The following KCNIP4 variants were observed in gnomAD, a reference collection of about 807,000 sequenced individuals.
The protein encoded by KCNIP4 is potassium voltage-gated channel interacting protein 4.
A neutral mutation model predicts 34.0 loss-of-function variants in KCNIP4; 12 were observed. That is an observed-to-expected ratio of 0.35 (90% CI 0.23 to 0.57). KCNIP4 has a LOEUF of 0.57. Ranked by LOEUF, KCNIP4 falls within the 20% of genes least tolerant of loss-of-function variation. The pLI is 0.83. For missense variants in KCNIP4, 238 were observed against 311.7 expected (o/e 0.76, Z 1.78); for synonymous variants, 124 against 102.2 (o/e 1.21, Z -1.29).
At chr4:21,778,396 A>G (rs5011098) in intron 1 of KCNIP4, among the ~76,000 whole-genome samples, 96,287 of 149,954 alleles carry the variant, frequency 0.64, 31,948 homozygotes, top group Non-Finnish European at 0.73. Flanking sequence ...CACCACACTG[A>G]GCAATGAAAA....
intron 1 of KCNIP4, among the ~76,000 whole-genome samples, chr4:21,370,882 C>CGTGT (rs112128246): frequency 0.042 from 1,626 of 38,730 alleles, 134 homozygotes; most frequent in East Asian, 0.075. Context: ...CACACACACA[C>CGTGT]GTGTGTGTGT....
intron 1 of KCNIP4, among the ~76,000 whole-genome samples, chr4:21,563,734 CTG>C (rs1190823812): frequency 6.6e-6 from 1 of 151,980 alleles, no homozygotes; most frequent in Admixed American, 6.6e-5. Context: ...ATAATTTTGA[CTG>C]AGAGAGAGGA....
intron 1 of KCNIP4, among the ~76,000 whole-genome samples, chr4:21,110,687 T>G (rs73802490): frequency 0.017 from 2,525 of 152,286 alleles, 82 homozygotes; most frequent in African/African-American, 0.057. Flanking sequence ...GTGAGGGTCT[T>G]TGAGAGGCAA....
At chr4:21,922,261 TTTCC>T (rs780440256) in intron 1 of KCNIP4, among the ~76,000 whole-genome samples, 204 of 152,278 alleles carry the variant, frequency 1.3e-3, no homozygotes, top group Non-Finnish European at 2.3e-3. Context: ...ATGATGCTGC[TTTCC>T]TTCCTTCCTT....
At chr4:20,765,400 T>C (rs2149370144) in intron 3 of KCNIP4, among the ~76,000 whole-genome samples, 1 of 152,328 alleles carries the variant, frequency 6.6e-6, no homozygotes, top group Middle Eastern at 3.4e-3. Flanking sequence ...GAGAGAGGCA[T>C]GTGCAAAGGG....
intron 1 of KCNIP4, among the ~76,000 whole-genome samples, chr4:21,922,836 A>G (rs13127167): frequency 0.25 from 38,567 of 152,082 alleles, 5,713 homozygotes; most frequent in East Asian, 0.61. Flanking sequence ...AAAAGACTGC[A>G]TTTGTTTCAT....
At position 21,826,437 on chromosome 4, in the gene KCNIP4, C is replaced by A. The variant is rs559807065; in HGVS notation, c.61+122134G>T. ...AAATATTTCCTATACATTTCCCACTCAGATATCTTGATCGTAGCTTATTTG... is the reference window on the plus strand; with the variant it reads ...AAATATTTCCTATACATTTCCCACTAAGATATCTTGATCGTAGCTTATTTG... On this transcript the variant is annotated intron_variant, in intron 1 of 8. Coordinates refer to ENST00000382152, the MANE Select transcript of KCNIP4 (RefSeq NM_025221.6). 3.9e-5 allele frequency among the ~76,000 whole-genome samples: 6 copies of A among 152,228 alleles called. No homozygotes were observed. The South Asian group carries it at 1.2e-3, about 32-fold the overall frequency.
At chr4:20,771,274 G>C (rs1213625310) in intron 3 of KCNIP4, among the ~76,000 whole-genome samples, 1 of 152,112 alleles carries the variant, frequency 6.6e-6, no homozygotes, top group East Asian at 1.9e-4. Flanking sequence ...TTCTCTCCCA[G>C]TCTGATTTCT....
chr4:20,908,186 G>A (rs552826937), intron 1 of KCNIP4, among the ~76,000 whole-genome samples: 168 of 146,704 alleles, frequency 1.1e-3, no homozygotes, highest in African/African-American at 3.8e-3. Context: ...TGCAACTTCC[G>A]CCTGCTGGGT....
intron 1 of KCNIP4, among the ~76,000 whole-genome samples, chr4:21,276,981 T>C (rs1762483383): frequency 6.6e-6 from 1 of 152,212 alleles, no homozygotes; most frequent in East Asian, 1.9e-4. Flanking sequence ...ATGATAAGTG[T>C]GATAAAAGCC....
intron 1 of KCNIP4, among the ~76,000 whole-genome samples, chr4:20,947,029 C>T (rs776066269): frequency 2.6e-5 from 4 of 152,204 alleles, no homozygotes; most frequent in African/African-American, 7.2e-5. Context: ...TTGAGCCTCT[C>T]TCTGGCATAC....
intron 5 of KCNIP4, among the ~76,000 whole-genome samples, chr4:20,736,571 A>G (rs1441235525): frequency 6.6e-6 from 1 of 152,010 alleles, no homozygotes; most frequent in African/African-American, 2.4e-5. Context: ...TCTAATTTTT[A>G]TATGTTTACT....
rs373933456 is a variant in KCNIP4 at position 20,734,595 on chromosome 4, A to G, written c.537+33T>C. On this transcript the variant is annotated intron_variant, in intron 6 of 8. Coordinates refer to ENST00000382152, the MANE Select transcript of KCNIP4 (RefSeq NM_025221.6). ...TAAAGTTAAGAAATGAAAATGGTCC[A>G]AATTACTGTGATGTTGGTGAGGCAT... is the stretch of plus-strand genomic sequence containing the variant. 59 of 994,488 alleles carry G rather than the reference A, an allele frequency of 5.9e-5. No individual in the cohort carries two copies. In the African/African-American group the frequency reaches 8.6e-4, roughly 14 times the overall value. The allele number at this position is 994,488 out of a possible 1,614,324, so 61.6% of individuals were successfully genotyped here. A position where few individuals can be genotyped will look rare whatever the true frequency, so the allele number is the denominator to read the frequency against.
intron 1 of KCNIP4, among the ~76,000 whole-genome samples, chr4:21,674,230 C>T (rs2323073): frequency 0.77 from 116,380 of 152,058 alleles, 45,194 homozygotes; most frequent in East Asian, 0.99. Flanking sequence ...CTCATGAACA[C>T]TGAACATGGA....
chr4:21,768,121 T>C (rs1292849567), intron 1 of KCNIP4, among the ~76,000 whole-genome samples: 1 of 152,122 alleles, frequency 6.6e-6, no homozygotes, highest in Non-Finnish European at 1.5e-5. Flanking sequence ...CAAGAGCTTC[T>C]AAATTTATGA....
intron 1 of KCNIP4, among the ~76,000 whole-genome samples, chr4:21,538,600 T>G (rs1737418170): frequency 6.6e-6 from 1 of 152,180 alleles, no homozygotes; most frequent in South Asian, 2.1e-4. Context: ...TTCCCAGTAT[T>G]TCCTTTTCCC....
intron 1 of KCNIP4, among the ~76,000 whole-genome samples, chr4:21,241,758 G>C (rs13119245): frequency 0.06 from 9,177 of 152,228 alleles, 360 homozygotes; most frequent in East Asian, 0.11. Context: ...CCAGCTAGAA[G>C]TTCCAGGGCT....
intron 1 of KCNIP4, among the ~76,000 whole-genome samples, chr4:21,116,523 T>G (rs1749690432): frequency 6.6e-6 from 1 of 152,246 alleles, no homozygotes; most frequent in Non-Finnish European, 1.5e-5. Flanking sequence ...TTCCTCTGGA[T>G]AGCTTTTCTG....
At chr4:20,992,701 C>A (rs1175566284) in intron 1 of KCNIP4, among the ~76,000 whole-genome samples, 1 of 151,950 alleles carries the variant, frequency 6.6e-6, no homozygotes, top group Non-Finnish European at 1.5e-5. Flanking sequence ...AACCTTAGAG[C>A]CCTGAACATT....
Sources: allele counts gnomAD v4.1 joint callset (sites outside exome capture counted in the v4.1 genomes callset), GRCh38; gene constraint gnomAD v4.1.1; transcripts MANE v1.5; gene names NCBI Gene and HGNC (gene_info 2026-07-23, HGNC 2026-07-21).